MARCHF10: variants seen among roughly 807,000 people sequenced by gnomAD.
The protein encoded by MARCHF10 is membrane associated ring-CH-type finger 10.
In MARCHF10, 64 loss-of-function variants were observed where a neutral mutation model predicts 76.2. That is an observed-to-expected ratio of 0.84 (90% confidence interval 0.69 to 1.03). The LOEUF is 1.03. Among genes scored for constraint, MARCHF10 ranks in the 50% least tolerant of loss-of-function variants. The pLI is 0.00. For synonymous variants in MARCHF10, 340 were observed against 357.5 expected (o/e 0.95, Z 0.55); for missense variants, 875 against 958.0 (o/e 0.91, Z 1.14).
At chr17:62,804,135 G>A (rs2093125047) in intron 1 of MARCHF10, among the ~76,000 whole-genome samples, 1 of 152,220 alleles carries the variant, frequency 6.6e-6, no homozygotes, top group African/African-American at 2.4e-5. Flanking sequence ...TCTCAGGGAT[G>A]CCCAGGTTAC....
intron 8 of MARCHF10, among the ~76,000 whole-genome samples, chr17:62,716,994 G>A (rs1039156532): frequency 2.6e-5 from 4 of 152,228 alleles, no homozygotes; most frequent in East Asian, 1.9e-4. Flanking sequence ...TCACCTCCAC[G>A]GCCAGGCTGG....
intron 3 of MARCHF10, among the ~76,000 whole-genome samples, chr17:62,783,283 A>G (rs2092694526): frequency 7.0e-6 from 1 of 142,388 alleles, no homozygotes; most frequent in African/African-American, 2.7e-5. Flanking sequence ...ACTACTGGGT[A>G]AATAACAAAA....
intron 5 of MARCHF10, 180 bp from the exon 6 acceptor site, chr17:62,737,512 G>GC: frequency 1.6e-6 from 1 of 620,550 alleles, no homozygotes; most frequent in Non-Finnish European, 2.8e-6. Context: ...TCATTTTACT[G>GC]CCCCGTATTC....
At chr17:62,739,991 C>T (rs1356017034) in intron 5 of MARCHF10, among the ~76,000 whole-genome samples, 1 of 151,940 alleles carries the variant, frequency 6.6e-6, no homozygotes. Context: ...GCATCTTCAC[C>T]CCTGTCTCGT....
At position 62,736,167 on chromosome 17, in the gene MARCHF10, CT is replaced by C. The variant is rs2091252520; in HGVS notation, c.1700del (p.Gln567ArgfsTer6). The C allele has an allele frequency of 4.3e-6, 7 of 1,614,154 alleles. No individual in the cohort carries two copies. Among genetic ancestry groups the C allele is most frequent in the Non-Finnish European group, 5.1e-6 (6 of 1,180,026 alleles). ...PLYTDLLLNP[Q>X]GNLSLVDSSS... ...AAGAATCCACTAAGGACAAATTGCCCTGTGGATTTAGTAAGAGATCTGTATA... is the reference window on the plus strand; with the variant it reads ...AAGAATCCACTAAGGACAAATTGCCCGTGGATTTAGTAAGAGATCTGTATA... On this transcript the variant is annotated frameshift_variant, in exon 6 of 11. Transcript: ENST00000311269. LOFTEE classifies it high-confidence loss of function.
At chr17:62,735,782 C>CA (rs2091234806) in intron 6 of MARCHF10, 149 bp downstream of exon 6, 2 of 661,938 alleles carry the variant, frequency 3.0e-6, no homozygotes, top group Non-Finnish European at 5.0e-6. Context: ...AGCAACAAAA[C>CA]AGAGACAATT....
intron 9 of MARCHF10, among the ~76,000 whole-genome samples, chr17:62,707,138 G>A (rs2089640913): frequency 6.6e-6 from 1 of 152,178 alleles, no homozygotes. Flanking sequence ...CCTCCCGGCT[G>A]GTTTCTTTCC....
intron 3 of MARCHF10, among the ~76,000 whole-genome samples, chr17:62,779,112 T>C (rs2092607923): frequency 6.6e-6 from 1 of 152,138 alleles, no homozygotes; most frequent in Non-Finnish European, 1.5e-5. Flanking sequence ...TCTTACCCAG[T>C]GCACCTCGAG....
intron 8 of MARCHF10, among the ~76,000 whole-genome samples, chr17:62,718,463 T>C (rs2090328446): frequency 6.6e-6 from 1 of 152,140 alleles, no homozygotes; most frequent in South Asian, 2.1e-4. Flanking sequence ...CCAAAAGGGA[T>C]CTTTTCTAGA....
chr17:62,702,250 G>T (rs2089285669), intron 10 of MARCHF10, among the ~76,000 whole-genome samples: 1 of 152,130 alleles, frequency 6.6e-6, no homozygotes, highest in African/African-American at 2.4e-5. Flanking sequence ...CCCAGTGGAG[G>T]AGGTGGAGTT....
chr17:62,706,831 TG>T (rs765586440), intron 9 of MARCHF10, among the ~76,000 whole-genome samples: 2 of 152,012 alleles, frequency 1.3e-5, no homozygotes, highest in African/African-American at 2.4e-5. Context: ...ACACGGGGGA[TG>T]GGGGACCAGG....
At chr17:62,788,363 G>T in intron 3 of MARCHF10, 117 bp downstream of exon 3, 1 of 1,377,800 alleles carries the variant, frequency 7.3e-7, no homozygotes, top group Non-Finnish European at 9.9e-7. Flanking sequence ...TTGACCTTTG[G>T]GAATCTGCAA....
At chr17:62,792,542 C>A (rs1204121378) in intron 2 of MARCHF10, among the ~76,000 whole-genome samples, 1 of 151,366 alleles carries the variant, frequency 6.6e-6, no homozygotes, top group African/African-American at 2.4e-5. Flanking sequence ...TCACCACCAC[C>A]ACCTGCACCA....
intron 2 of MARCHF10, among the ~76,000 whole-genome samples, chr17:62,798,966 T>C (rs548118088): frequency 6.6e-6 from 1 of 152,252 alleles, no homozygotes; most frequent in African/African-American, 2.4e-5. Flanking sequence ...CTGGAGCGAA[T>C]GGGAGGAGGC....
At chr17:62,751,095 A>C (rs796361374) in intron 4 of MARCHF10, among the ~76,000 whole-genome samples, 7 of 152,300 alleles carry the variant, frequency 4.6e-5, no homozygotes, top group African/African-American at 1.7e-4. Context: ...GCAGGTAAAC[A>C]AGAGAGATGT....
chr17:62,705,623 A>G (rs747786994), intron 9 of MARCHF10, 42 bp from the exon 10 acceptor site: 25 of 1,611,994 alleles, frequency 1.6e-5, no homozygotes, highest in East Asian at 6.7e-5. Flanking sequence ...GTTTTTTCCA[A>G]TACGATTGTG....
chr17:62,793,331 C>G (rs1418740098), intron 2 of MARCHF10, among the ~76,000 whole-genome samples: 1 of 147,858 alleles, frequency 6.8e-6, no homozygotes, highest in Non-Finnish European at 1.5e-5. Flanking sequence ...CCACCACCAC[C>G]ACAAACACCA....
intron 9 of MARCHF10, among the ~76,000 whole-genome samples, chr17:62,708,580 C>T (rs1182470911): frequency 6.6e-6 from 1 of 152,174 alleles, no homozygotes; most frequent in Admixed American, 6.6e-5. Flanking sequence ...GACTGTGCAT[C>T]AGAATGTTAC....
At chr17:62,760,983 C>G (rs1248031097) in intron 3 of MARCHF10, among the ~76,000 whole-genome samples, 1 of 152,206 alleles carries the variant, frequency 6.6e-6, no homozygotes, top group Non-Finnish European at 1.5e-5. Flanking sequence ...CCAACTGTTG[C>G]AATTTGTATT....
Sources: allele counts gnomAD v4.1 joint callset (sites outside exome capture counted in the v4.1 genomes callset), GRCh38; gene constraint gnomAD v4.1.1; transcripts MANE v1.5; gene names NCBI Gene and HGNC (gene_info 2026-07-23, HGNC 2026-07-21).